The following DARS1 variants were observed in gnomAD, a reference collection of about 807,000 sequenced individuals.
DARS1 encodes aspartyl-tRNA synthetase 1, also known as aspartate--tRNA ligase, cytoplasmic.
In DARS1, 51 loss-of-function variants were observed where a neutral mutation model predicts 68.8. The ratio of observed to expected loss-of-function variants is 0.74; its 90% CI spans 0.59 to 0.94. The LOEUF is 0.94. Ranked by LOEUF, DARS1 falls within the 40% of genes least tolerant of loss-of-function variation. The probability of loss-of-function intolerance (pLI) is 0.00; values close to 1 mark genes in which losing one functional copy is unlikely to be tolerated. For missense variants in DARS1, 607 were observed against 597.3 expected (o/e 1.02, Z -0.17); for synonymous variants, 203 against 190.4 (o/e 1.07, Z -0.55).
Position 135,943,499 on chromosome 2 carries a change from C to G in DARS1, c.321-19G>C, listed in dbSNP as rs201046499. On this transcript the variant is annotated intron_variant, in intron 4 of 15. Coordinates refer to ENST00000264161, the MANE Select transcript of DARS1 (RefSeq NM_001349.4). ...GTTGATGCTGTCAAGAGAAAAAATT[C>G]CCAACTTGAATCATCTCATCAGAGG... The G allele has an allele frequency of 4.4e-4, 703 of 1,609,444 alleles. 3 individuals carry two copies. The highest frequency in any genetic ancestry group is 1.2e-4 in the Non-Finnish European group (147 of 1,178,630).
At chr2:135,921,332 T>TTAATCCTAAC (rs1681107796) in intron 9 of DARS1, among the ~76,000 whole-genome samples, 3 of 152,062 alleles carry the variant, frequency 2.0e-5, no homozygotes, top group Admixed American at 6.5e-5. Flanking sequence ...AACCTATATT[T>TTAATCCTAAC]CTCACTTCTT....
At chr2:135,934,105 T>A in intron 5 of DARS1, 115 bp from the exon 6 acceptor site, 2 of 1,413,812 alleles carry the variant, frequency 1.4e-6, no homozygotes, top group Non-Finnish European at 1.9e-6. Context: ...ACATCTTTAA[T>A]TGAAACTACT....
At position 135,946,017 on chromosome 2, in the gene DARS1, T is replaced by C. The variant is rs77051588; in HGVS notation, c.321-2537A>G. On this transcript the variant is annotated intron_variant, in intron 4 of 15. Transcript: ENST00000264161. ...ATCTGTATCTACATCCATTTTTGTCTTACTGTAGACATGAGTGAATTCAGA... is the reference window on the plus strand; with the variant it reads ...ATCTGTATCTACATCCATTTTTGTCCTACTGTAGACATGAGTGAATTCAGA... 9.0e-3 allele frequency among the ~76,000 whole-genome samples: 1,366 copies of C among 152,304 alleles called. 16 individuals are homozygous for C. The highest frequency in any genetic ancestry group is 0.029 in the African/African-American group (1,211 of 41,556).
At chr2:135,921,327 A>AT (rs1205230788) in intron 9 of DARS1, among the ~76,000 whole-genome samples, 2 of 151,870 alleles carry the variant, frequency 1.3e-5, no homozygotes, top group Admixed American at 6.6e-5. Context: ...ATCCTAACCT[A>AT]TATTTCTCAC....
At chr2:135,933,886 A>G (rs2104810921) in intron 6 of DARS1, 24 bp downstream of exon 6, 2 of 1,606,486 alleles carry the variant, frequency 1.2e-6, no homozygotes, top group South Asian at 2.2e-5. Context: ...CGGAAGCATA[A>G]TATTTCATAA....
At chr2:135,979,783 G>T (rs1442973060) in intron 2 of DARS1, among the ~76,000 whole-genome samples, 2 of 152,160 alleles carry the variant, frequency 1.3e-5, no homozygotes, top group Non-Finnish European at 2.9e-5. Flanking sequence ...CTAGGACATG[G>T]AACTTTTGCC....
intron 3 of DARS1, among the ~76,000 whole-genome samples, chr2:135,968,452 G>C (rs187442591): frequency 6.6e-6 from 1 of 152,234 alleles, no homozygotes; most frequent in Non-Finnish European, 1.5e-5. Context: ...GACACAACTT[G>C]TAAGTGCCTT....
Position 135,985,499 on chromosome 2 carries a change from C to G in DARS1, c.-31G>C. On this transcript the variant is annotated 5_prime_UTR_variant, in exon 1 of 16. Transcript: ENST00000264161. ...CACGGAACTGGGCAGTGGACACCAC[C>G]CTCCCTCGCAGGCTTCCGTAAGGCA... 1 of 1,613,996 alleles carries G rather than the reference C, an allele frequency of 6.2e-7. No individual in the cohort carries two copies. The highest frequency in any genetic ancestry group is 8.5e-7 in the Non-Finnish European group (1 of 1,179,950).
intron 2 of DARS1, among the ~76,000 whole-genome samples, chr2:135,980,873 G>A (rs1325258720): frequency 1.3e-5 from 2 of 152,156 alleles, no homozygotes; most frequent in Non-Finnish European, 2.9e-5. Flanking sequence ...CTTTCTTGTG[G>A]CATGGCAATT....
chr2:135,949,164 G>A (rs1430850602), intron 4 of DARS1, among the ~76,000 whole-genome samples: 1 of 152,082 alleles, frequency 6.6e-6, no homozygotes, highest in East Asian at 1.9e-4. Flanking sequence ...TGTTTGGGGA[G>A]AGTGGGAAGT....
intron 5 of DARS1, 40 bp downstream of exon 5, chr2:135,943,338 T>C (rs370702891): frequency 2.1e-5 from 33 of 1,593,024 alleles, no homozygotes; most frequent in Middle Eastern, 3.4e-4. Flanking sequence ...AGAACCCAAA[T>C]CTATTTCTAT....
intron 4 of DARS1, among the ~76,000 whole-genome samples, chr2:135,948,503 G>A (rs1313001261): frequency 6.6e-6 from 1 of 152,140 alleles, no homozygotes; most frequent in African/African-American, 2.4e-5. Flanking sequence ...CAGAGCACGT[G>A]CTAAATACAA....
intron 10 of DARS1, 130 bp downstream of exon 10, chr2:135,920,322 AT>A: frequency 7.3e-7 from 1 of 1,361,504 alleles, no homozygotes; most frequent in Non-Finnish European, 9.6e-7. Context: ...TAAATGGATC[AT>A]CTAACTGGTA....
chr2:135,973,592 C>A (rs956001686), intron 3 of DARS1, among the ~76,000 whole-genome samples: 1 of 152,030 alleles, frequency 6.6e-6, no homozygotes, highest in African/African-American at 2.4e-5. Flanking sequence ...TGGTGGCTCA[C>A]ACCTGTAATC....
At chr2:135,919,808 G>A (rs745420696) in intron 10 of DARS1, among the ~76,000 whole-genome samples, 2 of 152,070 alleles carry the variant, frequency 1.3e-5, no homozygotes, top group Non-Finnish European at 2.9e-5. Flanking sequence ...TTAAATATCC[G>A]TTCAGTCTAC....
intron 5 of DARS1, among the ~76,000 whole-genome samples, chr2:135,939,938 C>A (rs535270378): frequency 5.2e-4 from 79 of 152,306 alleles, no homozygotes; most frequent in African/African-American, 1.5e-3. Context: ...GACACATACA[C>A]CCTCCCAAGA....
At chr2:135,968,283 T>G (rs940557462) in intron 3 of DARS1, among the ~76,000 whole-genome samples, 1 of 151,952 alleles carries the variant, frequency 6.6e-6, no homozygotes, top group Non-Finnish European at 1.5e-5. Flanking sequence ...ATAAAGATAA[T>G]CTACATTGGC....
intron 4 of DARS1, among the ~76,000 whole-genome samples, chr2:135,958,798 AAT>A (rs1201171245): frequency 1.3e-5 from 2 of 152,196 alleles, no homozygotes; most frequent in Non-Finnish European, 2.9e-5. Flanking sequence ...AAAGTTTAAT[AAT>A]AGTTATCTAT....
chr2:135,972,474 A>C (rs962500670), intron 3 of DARS1, among the ~76,000 whole-genome samples: 2 of 152,206 alleles, frequency 1.3e-5, no homozygotes, highest in African/African-American at 4.8e-5. Context: ...CTATAATACT[A>C]CAAGAAAACA....
Sources: allele counts gnomAD v4.1 joint callset (sites outside exome capture counted in the v4.1 genomes callset), GRCh38; gene constraint gnomAD v4.1.1; transcripts MANE v1.5; gene names NCBI Gene and HGNC (gene_info 2026-07-23, HGNC 2026-07-21).